The following SULF2 variants were observed in gnomAD, a reference collection of about 807,000 sequenced individuals.
SULF2 encodes the protein sulfatase 2.
In SULF2, 52 loss-of-function variants were observed where a neutral mutation model predicts 107.7. The observed-to-expected ratio is 0.48, with a 90% CI of 0.39 to 0.61. SULF2 has a LOEUF of 0.61. Ranked by LOEUF, SULF2 falls within the 20% of genes least tolerant of loss-of-function variation. The pLI is 0.00. For synonymous variants in SULF2, 460 were observed against 464.3 expected (o/e 0.99, Z 0.12); for missense variants, 993 against 1,177.3 (o/e 0.84, Z 2.29).
At chr20:47,684,620 A>G in intron 5 of SULF2, 39 bp from the exon 6 acceptor site, 1 of 1,600,024 alleles carries the variant, frequency 6.2e-7, no homozygotes, top group South Asian at 1.1e-5. Context: ...AAACCCAGGG[A>G]CAGCCTGGAC....
At chr20:47,695,198 G>A (rs938990594) in intron 4 of SULF2, among the ~76,000 whole-genome samples, 24 of 152,246 alleles carry the variant, frequency 1.6e-4, no homozygotes, top group Admixed American at 1.2e-3. Context: ...GGGCATGTCC[G>A]TGCTCCAGTA....
At chr20:47,749,697 C>T (rs6094810) in intron 2 of SULF2, among the ~76,000 whole-genome samples, 3,225 of 152,310 alleles carry the variant, frequency 0.021, 96 homozygotes, top group African/African-American at 0.07. Flanking sequence ...AACAGGAGGC[C>T]GGCCAGACCT....
At chr20:47,784,769 C>G (rs1353177924) in intron 1 of SULF2, among the ~76,000 whole-genome samples, 1 of 152,206 alleles carries the variant, frequency 6.6e-6, no homozygotes, top group African/African-American at 2.4e-5. Flanking sequence ...CCCCGAGGAG[C>G]CGGGGAGGGG....
At chr20:47,784,397 GGGAGGA>G (rs11470952) in intron 1 of SULF2, among the ~76,000 whole-genome samples, 1 of 151,886 alleles carries the variant, frequency 6.6e-6, no homozygotes, top group Admixed American at 6.6e-5. Context: ...GCTTTCAAGG[GGGAGGA>G]GGAGGAGGAG....
chr20:47,770,053 G>GTTT (rs56786760), intron 1 of SULF2, among the ~76,000 whole-genome samples: 3,040 of 63,122 alleles, frequency 0.048, 295 homozygotes, highest in African/African-American at 0.061. Flanking sequence ...ATCTGGTGTA[G>GTTT]TTTTTTTTTT....
At position 47,658,045 on chromosome 20, in the gene SULF2, G is replaced by C. The variant is rs1024785694; in HGVS notation, c.*317C>G. ...AGAAATTTCCAAGGAAATCTCTCTC[G>C]CTCGCTCTCTCCGTTTTCCTTTGTG... On this transcript the variant is annotated 3_prime_UTR_variant, in exon 21 of 21. Coordinates refer to ENST00000688720, the MANE Select transcript of SULF2 (RefSeq NM_001387048.1). 3.7e-5 allele frequency: 14 copies of C among 378,498 alleles called. No homozygotes were observed. The South Asian group carries it at 6.6e-4, about 18-fold the overall frequency. 23.4% of individuals were successfully genotyped at this position (378,498 alleles called of 1,614,324 possible).
intron 10 of SULF2, 147 bp from the exon 11 acceptor site, chr20:47,672,540 C>T (rs1420028471): frequency 2.0e-5 from 28 of 1,419,266 alleles, no homozygotes; most frequent in East Asian, 1.5e-4. Context: ...TCTCCAATGC[C>T]GCTTCTCTCC....
intron 4 of SULF2, among the ~76,000 whole-genome samples, chr20:47,696,195 G>A (rs927857127): frequency 6.6e-5 from 10 of 152,162 alleles, no homozygotes; most frequent in Admixed American, 5.2e-4. Flanking sequence ...TGACAGTTGG[G>A]AATAGACACA....
intron 1 of SULF2, among the ~76,000 whole-genome samples, chr20:47,760,479 A>G (rs1028781544): frequency 1.3e-5 from 2 of 151,592 alleles, no homozygotes; most frequent in Non-Finnish European, 2.9e-5. Context: ...TTGCCCCATC[A>G]AGTCTCGGGA....
intron 5 of SULF2, among the ~76,000 whole-genome samples, chr20:47,686,845 A>G (rs1263391341): frequency 6.6e-6 from 1 of 152,122 alleles, no homozygotes; most frequent in Admixed American, 6.5e-5. Flanking sequence ...CACTGAATCC[A>G]TCAGGGCCCA....
intron 3 of SULF2, among the ~76,000 whole-genome samples, chr20:47,728,968 G>A (rs965635098): frequency 8.5e-5 from 13 of 152,222 alleles, no homozygotes; most frequent in African/African-American, 2.4e-4. Flanking sequence ...TTTTAGAAAC[G>A]AGACAATCAA....
At chr20:47,665,330 C>T in intron 13 of SULF2, 37 bp from the exon 14 acceptor site, 1 of 1,341,300 alleles carries the variant, frequency 7.5e-7, no homozygotes, top group Non-Finnish European at 1.1e-6. Flanking sequence ...TTGAAACCTT[C>T]AAGGCTGGAC....
chr20:47,744,996 T>C (rs1250983643), intron 2 of SULF2, among the ~76,000 whole-genome samples: 1 of 151,986 alleles, frequency 6.6e-6, no homozygotes, highest in East Asian at 1.9e-4. Context: ...CTAGACTGAA[T>C]CACCAGGTCC....
At chr20:47,721,370 ATTT>A (rs5841706) in intron 3 of SULF2, among the ~76,000 whole-genome samples, 26 of 148,026 alleles carry the variant, frequency 1.8e-4, no homozygotes, top group African/African-American at 3.0e-4. Context: ...AGAAGAAGCT[ATTT>A]TTTTTTTTTT....
Position 47,737,753 on chromosome 20 carries a change from TTG to T in SULF2, c.176-813_176-812del, listed in dbSNP as rs199546505. ...GCCTGCTCTTGTTTCTTTCTTTTCT[TTG>T]TTTTTTTTTTTTTTTTTTTTTTTTT... is the stretch of plus-strand genomic sequence containing the variant. On this transcript the variant is annotated intron_variant, in intron 2 of 20. Transcript: ENST00000688720. Among the ~76,000 whole-genome samples the T allele has an allele frequency of 6.1e-3, 662 of 108,246 alleles. 11 individuals carry two copies. The highest frequency in any genetic ancestry group is 0.01 in the Non-Finnish European group (465 of 46,058). The allele number at this position is 108,246 out of a possible 152,430, so 71.0% of individuals were successfully genotyped here.
intron 3 of SULF2, among the ~76,000 whole-genome samples, chr20:47,731,182 C>CTTTTTTTTTTTATTTTTTTTTTTTTTTTT (rs1342480404): frequency 1.0e-5 from 1 of 99,596 alleles, no homozygotes. Context: ...TCACCTGTAT[C>CTTTTTTTTTTTATTTTTTTTTTTTTTTTT]TTCTCTTTTT....
intron 10 of SULF2, among the ~76,000 whole-genome samples, chr20:47,673,338 G>A (rs1276379371): frequency 6.6e-6 from 1 of 152,122 alleles, no homozygotes; most frequent in African/African-American, 2.4e-5. Flanking sequence ...ATATTAACTT[G>A]CTTACTACAC....
intron 1 of SULF2, among the ~76,000 whole-genome samples, chr20:47,766,012 C>T (rs1477660380): frequency 6.6e-6 from 1 of 152,146 alleles, no homozygotes; most frequent in African/African-American, 2.4e-5. Flanking sequence ...ATTTGGATGG[C>T]CAGTGAAGAG....
intron 2 of SULF2, among the ~76,000 whole-genome samples, chr20:47,755,283 A>G (rs1165136180): frequency 1.3e-5 from 2 of 152,140 alleles, no homozygotes; most frequent in African/African-American, 4.8e-5. Flanking sequence ...TGTCTACTTC[A>G]TACCTGCTAT....
Sources: gnomAD v4.1 joint callset for allele counts (sites outside exome capture counted in the v4.1 genomes callset) on GRCh38, gnomAD v4.1.1 for gene constraint, MANE v1.5 for transcripts, NCBI Gene and HGNC (gene_info 2026-07-23, HGNC 2026-07-21) for gene names.